The following RBFOX1 variants were observed in gnomAD, a reference collection of about 807,000 sequenced individuals.
RBFOX1 encodes the protein RNA binding protein fox-1 homolog 1.
Under a neutral mutation model 57.7 loss-of-function variants are expected in RBFOX1, and 8 were observed. The ratio of observed to expected loss-of-function variants is 0.14; its 90% confidence interval spans 0.08 to 0.25. RBFOX1 has a LOEUF of 0.25. RBFOX1 is among the 10% of genes least tolerant of loss of function. The pLI is 1.00. For missense variants in RBFOX1, 611 were observed against 548.5 expected (o/e 1.11, Z -1.14); for synonymous variants, 326 against 222.4 (o/e 1.47, Z -4.15).
At chr16:7,048,735 T>C (rs2048918975) in intron 3 of RBFOX1, among the ~76,000 whole-genome samples, 1 of 152,230 alleles carries the variant, frequency 6.6e-6, no homozygotes, top group African/African-American at 2.4e-5. Flanking sequence ...TGAATGTCTT[T>C]TCCCATGCAA....
At chr16:7,336,565 T>G (rs1016026035) in intron 4 of RBFOX1, among the ~76,000 whole-genome samples, 2 of 152,262 alleles carry the variant, frequency 1.3e-5, no homozygotes, top group East Asian at 3.8e-4. Context: ...GCCACTGAAC[T>G]GTGGGTTCAC....
intron 4 of RBFOX1, among the ~76,000 whole-genome samples, chr16:7,275,357 T>G (rs2095420416): frequency 6.6e-6 from 1 of 152,256 alleles, no homozygotes; most frequent in Admixed American, 6.5e-5. Context: ...ACCATTTCCC[T>G]GTTTTAGACA....
At chr16:7,021,451 A>G (rs1215942981) in intron 3 of RBFOX1, among the ~76,000 whole-genome samples, 2 of 145,536 alleles carry the variant, frequency 1.4e-5, no homozygotes, top group Non-Finnish European at 3.0e-5. Flanking sequence ...ATATATCAGT[A>G]TTAATTTTTA....
intron 1 of RBFOX1, among the ~76,000 whole-genome samples, chr16:5,358,142 G>C (rs1393993920): frequency 6.6e-6 from 1 of 152,036 alleles, no homozygotes; most frequent in Non-Finnish European, 1.5e-5. Context: ...GCTCCTGGTG[G>C]TTTGCTGGCA....
chr16:7,032,803 C>T (rs1013009099), intron 3 of RBFOX1, among the ~76,000 whole-genome samples: 16 of 152,118 alleles, frequency 1.1e-4, no homozygotes, highest in Non-Finnish European at 1.3e-4. Flanking sequence ...TCTACCTGAA[C>T]TAAAAATGCG....
At chr16:7,150,358 G>A (rs935023854) in intron 4 of RBFOX1, among the ~76,000 whole-genome samples, 4 of 152,130 alleles carry the variant, frequency 2.6e-5, no homozygotes, top group Non-Finnish European at 4.4e-5. Context: ...CCCACCCTAC[G>A]TTAATGCCCT....
chr16:7,669,513 A>T (rs1471746933), intron 13 of RBFOX1, among the ~76,000 whole-genome samples: 3 of 152,202 alleles, frequency 2.0e-5, no homozygotes, highest in Admixed American at 1.3e-4. Flanking sequence ...CTTTTTATTA[A>T]GAACATCCTA....
chr16:5,963,826 G>C (rs1466808688), intron 4 of RBFOX1, among the ~76,000 whole-genome samples: 1 of 152,280 alleles, frequency 6.6e-6, no homozygotes, highest in Middle Eastern at 3.4e-3. Context: ...ACAGGAGAAA[G>C]TGCCTTGACA....
chr16:6,416,288 T>G (rs1010776848), intron 2 of RBFOX1, among the ~76,000 whole-genome samples: 1 of 152,180 alleles, frequency 6.6e-6, no homozygotes, highest in African/African-American at 2.4e-5. Context: ...GCGCTTGATT[T>G]TATTAAGCCG....
intron 3 of RBFOX1, among the ~76,000 whole-genome samples, chr16:6,655,043 C>T (rs1327830748): frequency 6.6e-6 from 1 of 151,412 alleles, no homozygotes; most frequent in African/African-American, 2.4e-5. Context: ...TTAGGCTTCC[C>T]AGGGTGTGTC....
At chr16:6,234,243 T>C (rs2152912028) in intron 1 of RBFOX1, among the ~76,000 whole-genome samples, 1 of 152,344 alleles carries the variant, frequency 6.6e-6, no homozygotes, top group East Asian at 1.9e-4. Flanking sequence ...TTCTCAAAAT[T>C]CCTGCCCACT....
chr16:7,357,293 T>C (rs1389183181), intron 4 of RBFOX1, among the ~76,000 whole-genome samples: 1 of 152,112 alleles, frequency 6.6e-6, no homozygotes, highest in Admixed American at 6.5e-5. Flanking sequence ...AGAAGGTTCT[T>C]GGTTATCATC....
At chr16:6,298,117 G>T (rs929757923) in intron 1 of RBFOX1, among the ~76,000 whole-genome samples, 2 of 152,200 alleles carry the variant, frequency 1.3e-5, no homozygotes, top group Non-Finnish European at 2.9e-5. Flanking sequence ...AGAGCACACT[G>T]TAACACACGC....
intron 3 of RBFOX1, among the ~76,000 whole-genome samples, chr16:5,778,722 G>C (rs569078821): frequency 2.0e-5 from 3 of 152,210 alleles, no homozygotes; most frequent in African/African-American, 7.2e-5. Flanking sequence ...TTCACTATGA[G>C]GGTGAATAGG....
At chr16:7,409,610 G>A (rs2098402206) in intron 4 of RBFOX1, among the ~76,000 whole-genome samples, 1 of 152,122 alleles carries the variant, frequency 6.6e-6, no homozygotes, top group Non-Finnish European at 1.5e-5. Flanking sequence ...ACGTTCGTTT[G>A]GATGGTCTTA....
At chr16:5,247,257 T>G (rs1195477123) in intron 1 of RBFOX1, among the ~76,000 whole-genome samples, 3 of 152,186 alleles carry the variant, frequency 2.0e-5, no homozygotes, top group African/African-American at 7.2e-5. Flanking sequence ...TGCAGGATGC[T>G]CCTGGTCTTG....
At position 7,224,565 on chromosome 16, in the gene RBFOX1, G is replaced by T. The variant is rs1038128781; in HGVS notation, c.27+172467G>T. On this transcript the variant is annotated intron_variant, in intron 4 of 15. Coordinates refer to ENST00000550418, the MANE Select transcript of RBFOX1 (RefSeq NM_018723.4). ...AAATCAGAGGGAGGTTTGAGCATCA[G>T]GATTTCTAAACTTTCAGATTTTCAG... Among the ~76,000 whole-genome samples, 4 of 152,114 alleles carry T rather than the reference G, an allele frequency of 2.6e-5. No individual in the cohort carries two copies. In the South Asian group the frequency reaches 6.2e-4, roughly 24 times the overall value.
At chr16:6,770,847 G>C (rs1250237842) in intron 3 of RBFOX1, among the ~76,000 whole-genome samples, 1 of 152,136 alleles carries the variant, frequency 6.6e-6, no homozygotes, top group Non-Finnish European at 1.5e-5. Context: ...CTAAATAGTA[G>C]GGCTGAAGTC....
intron 2 of RBFOX1, among the ~76,000 whole-genome samples, chr16:6,632,863 A>T (rs1411363749): frequency 6.6e-6 from 1 of 152,136 alleles, no homozygotes; most frequent in Non-Finnish European, 1.5e-5. Context: ...TGTTAACCTT[A>T]TACAAGGGGA....
Sources: allele counts gnomAD v4.1 joint callset (sites outside exome capture counted in the v4.1 genomes callset), GRCh38; gene constraint gnomAD v4.1.1; transcripts MANE v1.5; gene names NCBI Gene and HGNC (gene_info 2026-07-23, HGNC 2026-07-21).